DNAH10: variants seen among roughly 807,000 people sequenced by gnomAD.
DNAH10 encodes dynein axonemal heavy chain 10, also known as axonemal beta dynein heavy chain 10.
A neutral mutation model predicts 506.6 loss-of-function variants in DNAH10; 348 were observed. That is an observed-to-expected ratio of 0.69 (90% CI 0.63 to 0.75). The LOEUF is 0.75. DNAH10 is among the 30% of genes least tolerant of loss of function. The pLI, the probability that DNAH10 is intolerant of heterozygous loss-of-function variation, is 0.00. For synonymous variants in DNAH10, 2,059 were observed against 2,198.6 expected, an observed-to-expected ratio of 0.94 and a Z score of 1.78; for missense variants, 5,179 against 5,787.1, an observed-to-expected ratio of 0.89 and a Z score of 3.41.
chr12:123,762,304 C>G lies in DNAH10; in HGVS notation c.-33C>G. On this transcript the variant is annotated 5_prime_UTR_variant, in exon 1 of 79. Transcript: ENST00000673944. This position sits in a 1 kb window ranked among gnomAD's most constrained non-coding sequence, Gnocchi z 5.0. ...GCCGCCGTTGCCACGGACGCCCGCC[C>G]TGCGCCCGGCTCCCTCTGCACTGCG... 4.1e-6 allele frequency: 5 copies of G among 1,233,054 alleles called. No individual in the cohort carries two copies. The highest frequency in any genetic ancestry group is 4.0e-6 in the Non-Finnish European group (4 of 987,830). 76.4% of individuals were successfully genotyped at this position (1,233,054 alleles called of 1,614,324 possible).
intron 18 of DNAH10, among the ~76,000 whole-genome samples, chr12:123,805,824 T>C (rs1333853796): frequency 1.3e-5 from 2 of 151,418 alleles, no homozygotes; most frequent in Non-Finnish European, 2.9e-5. Flanking sequence ...TCGCCCAGGT[T>C]GGAGTGCAGT....
chr12:123,806,958 C>T (rs1396281611), intron 18 of DNAH10, among the ~76,000 whole-genome samples: 3 of 152,106 alleles, frequency 2.0e-5, no homozygotes, highest in Non-Finnish European at 2.9e-5. Flanking sequence ...TTAGTAGAGA[C>T]GGAGTTCCAC....
chr12:123,855,646 A>T (rs1008633888), intron 36 of DNAH10, among the ~76,000 whole-genome samples: 1 of 150,456 alleles, frequency 6.6e-6, no homozygotes, highest in Non-Finnish European at 1.5e-5. Flanking sequence ...AAAAAAAAAA[A>T]AAATAATAAT....
rs774809074 is a variant in DNAH10, at chr12:123,925,170, G to A, written c.11887G>A (p.Val3963Met). ...CFRVDRVYRAVTDYVTVTMGE... is the reference protein window; with the variant it reads ...CFRVDRVYRAMTDYVTVTMGE... ...CCGTGTGGATCGGGTCTATCGGGCC[G>A]TGACTGACTATGTGACTGTAACAAT... is the stretch of plus-strand genomic sequence containing the variant. The change falls in exon 68 of 79, where the codon GTG (valine) becomes ATG (methionine). Residue 3963 changes from valine (V) to methionine (M), a missense_variant. By Grantham distance (21) the Val-to-Met change is conservative. Transcript: ENST00000673944. This position sits in a 1 kb window ranked among gnomAD's most constrained non-coding sequence, Gnocchi z 4.0. 2.4e-5 allele frequency: 39 copies of A among 1,613,536 alleles called. No homozygotes were observed. Among genetic ancestry groups the A allele is most frequent in the South Asian group, 1.5e-4 (14 of 91,050 alleles).
At position 123,771,624 on chromosome 12, in the gene DNAH10, G is replaced by A. The variant is rs374747661; in HGVS notation, c.322G>A (p.Glu108Lys). The A allele has an allele frequency of 1.4e-5, 22 of 1,613,506 alleles. No individual in the cohort carries two copies. Among genetic ancestry groups the A allele is most frequent in the Non-Finnish European group, 1.8e-5 (21 of 1,179,768 alleles). The stretch of plus-strand genomic sequence containing the variant: ...AGCTAAGCGTGTGTCACTGAGAACC[G>A]AATCTCTAGGCCAACCTCTAAACAG... ...VRAKRVSLRT[E>K]SLGQPLNRED... The change falls in exon 3 of 79, where the codon GAA becomes AAA. Residue 108 changes from glutamate (E) to lysine (K), a missense_variant. This residue lies in a region of DNAH10 where 326 missense variants were observed against 330.8 expected (regional missense o/e 0.99). Transcript: ENST00000673944.
intron 66 of DNAH10, 153 bp from the exon 67 acceptor site, chr12:123,924,125 C>A: frequency 9.4e-7 from 1 of 1,059,084 alleles, no homozygotes; most frequent in Non-Finnish European, 1.3e-6. Context: ...GTTGGTGTCA[C>A]TGGCGGTGAC....
At chr12:123,882,126 G>A (rs1594278056) in intron 51 of DNAH10, 2 of 231,688 alleles carry the variant, frequency 8.6e-6, no homozygotes, top group Non-Finnish European at 1.7e-5. Flanking sequence ...CCATCATAAA[G>A]TTGAAAAATC....
At position 123,917,909 on chromosome 12, in the gene DNAH10, T is replaced by C; in HGVS notation, c.11232+96T>C. The C allele has an allele frequency of 1.5e-6, 2 of 1,367,364 alleles. No individual in the cohort carries two copies. The highest frequency in any genetic ancestry group is 2.5e-5 in the East Asian group (1 of 39,884). The allele number at this position is 1,367,364 out of a possible 1,614,324, so 84.7% of individuals were successfully genotyped here. On this transcript the variant is annotated intron_variant, in intron 64 of 78. Transcript: ENST00000673944. This position sits in a 1 kb window ranked among gnomAD's most constrained non-coding sequence, Gnocchi z 5.6. ...TGTCTGCTCAATGAGAAAATGGGGC[T>C]CTGTGATCTCAGGGCTAAAAACCCA... is the stretch of plus-strand genomic sequence containing the variant.
Position 123,928,102 on chromosome 12 carries a change from G to A in DNAH10, c.12106-285G>A, listed in dbSNP as rs180902054. On this transcript the variant is annotated intron_variant, in intron 69 of 78. Transcript: ENST00000673944. This position sits in a 1 kb window ranked among gnomAD's most constrained non-coding sequence, Gnocchi z 4.9. ...GAGTCCTCAGGGGACAGGAGCGACT[G>A]TGTGGGAGGAGCTGGGACTTCCAGG... 1 of 546,638 alleles carries A rather than the reference G, an allele frequency of 1.8e-6. No homozygotes were observed. The highest frequency in any genetic ancestry group is 1.9e-5 in the African/African-American group (1 of 53,054). The allele number at this position is 546,638 out of a possible 1,614,324, so 33.9% of individuals were successfully genotyped here.
At chr12:123,893,460 C>T in intron 53 of DNAH10, 24 bp downstream of exon 53, 1 of 1,611,302 alleles carries the variant, frequency 6.2e-7, no homozygotes. Flanking sequence ...AGCCTGTGAA[C>T]CCATTTCCCC....
intron 52 of DNAH10, among the ~76,000 whole-genome samples, chr12:123,892,942 G>A (rs140479362): frequency 6.6e-6 from 1 of 152,344 alleles, no homozygotes; most frequent in African/African-American, 2.4e-5. Flanking sequence ...CTGCTTCGGA[G>A]TTACAGGCAA....
intron 54 of DNAH10, among the ~76,000 whole-genome samples, chr12:123,895,224 C>T (rs575648474): frequency 1.3e-5 from 2 of 152,288 alleles, no homozygotes; most frequent in South Asian, 4.1e-4. Flanking sequence ...GAATTTCTAG[C>T]GTTTCAAACA....
In DNAH10 at chr12:123,801,429, C is replaced by G. The variant is rs1404708623; in HGVS notation, c.2611C>G (p.Leu871Val). 6.2e-7 allele frequency: 1 copy of G among 1,613,092 alleles called. No individual in the cohort carries two copies. The highest frequency in any genetic ancestry group is 8.5e-7 in the Non-Finnish European group (1 of 1,179,694). The change falls in exon 16 of 79, where the codon CTA (leucine) becomes GTA (valine). Residue 871 changes from leucine (L) to valine (V), a missense_variant. Coordinates refer to ENST00000673944, the MANE Select transcript of DNAH10 (RefSeq NM_001372106.1). ...ATATAAGAGGTTGAACTGGAACTCACTAGGTAACGTCATTCATCTATTGAT... is the reference window on the plus strand; with the variant it reads ...ATATAAGAGGTTGAACTGGAACTCAGTAGGTAACGTCATTCATCTATTGAT... ...SGYKRLNWNS[L>V]GIGDYITGCK...
At chr12:123,874,001 C>G (rs1952138233) in intron 46 of DNAH10, among the ~76,000 whole-genome samples, 1 of 151,990 alleles carries the variant, frequency 6.6e-6, no homozygotes, top group Non-Finnish European at 1.5e-5. Flanking sequence ...AAGTGGTTTC[C>G]AAAGGAGCTC....
Position 123,835,462 on chromosome 12 carries a change from A to G in DNAH10, c.4836A>G (p.Gly1612=), listed in dbSNP as rs1961035764. The part of the protein sequence containing the change: ...WMYLESIFIG[G]DIRSQLPEEA... ...ATCTTGAAAGTATTTTTATTGGTGGAGATATAAGATCACAACTTCCGGAAG... is the reference window on the plus strand; with the variant it reads ...ATCTTGAAAGTATTTTTATTGGTGGGGATATAAGATCACAACTTCCGGAAG... Residue 1612 remains glycine (G), a synonymous_variant, in exon 28 of 79, where the codon GGA becomes GGG. Coordinates refer to ENST00000673944, the MANE Select transcript of DNAH10 (RefSeq NM_001372106.1). 6 of 1,609,088 alleles carry G rather than the reference A, an allele frequency of 3.7e-6. No individual in the cohort carries two copies. The highest frequency in any genetic ancestry group is 5.1e-6 in the Non-Finnish European group (6 of 1,177,460).
At chr12:123,763,181 C>A (rs1273858200) in intron 1 of DNAH10, among the ~76,000 whole-genome samples, 1 of 152,176 alleles carries the variant, frequency 6.6e-6, no homozygotes, top group African/African-American at 2.4e-5. Context: ...ATCGCAAATA[C>A]AAAAAGACAG....
At position 123,913,007 on chromosome 12, in the gene DNAH10, C is replaced by G; in HGVS notation, c.10135-91C>G. ...CTGAAAAGCACAGACACCATTAGAG[C>G]AGTTTAGACATGTGGCCTGGTTTGA... On this transcript the variant is annotated intron_variant, in intron 59 of 78. Coordinates refer to ENST00000673944, the MANE Select transcript of DNAH10 (RefSeq NM_001372106.1). This position sits in a 1 kb window ranked among gnomAD's most constrained non-coding sequence, Gnocchi z 5.1. 1 of 1,195,524 alleles carries G rather than the reference C, an allele frequency of 8.4e-7. No homozygotes were observed. Among genetic ancestry groups the G allele is most frequent in the Non-Finnish European group, 1.2e-6 (1 of 849,920 alleles). The allele number at this position is 1,195,524 out of a possible 1,614,324, so 74.1% of individuals were successfully genotyped here. A position where few individuals can be genotyped will look rare whatever the true frequency, so the allele number is the denominator to read the frequency against.
chr12:123,843,805 C>T (rs1226583913), intron 30 of DNAH10, among the ~76,000 whole-genome samples: 24 of 152,212 alleles, frequency 1.6e-4, no homozygotes, highest in East Asian at 5.8e-4. Context: ...CTCGAACTCC[C>T]GACCTCAGGT....
chr12:123,892,229 G>A (rs1953016424), intron 52 of DNAH10, among the ~76,000 whole-genome samples: 1 of 152,194 alleles, frequency 6.6e-6, no homozygotes, highest in Non-Finnish European at 1.5e-5. Context: ...TGTACAGGAA[G>A]CATGGTGCTG....
Sources: allele counts gnomAD v4.1 joint callset (sites outside exome capture counted in the v4.1 genomes callset), GRCh38; gene constraint gnomAD v4.1.1; regional missense constraint gnomAD v4.1.1; non-coding constraint Gnocchi (gnomAD v3.1); transcripts MANE v1.5; gene names NCBI Gene and HGNC (gene_info 2026-07-23, HGNC 2026-07-21).